PYY: variants seen among roughly 807,000 people sequenced by gnomAD.
PYY encodes peptide tyrosine tyrosine.
PYY carries 12 observed loss-of-function variants against 10.3 expected under a neutral mutation model. That is an observed-to-expected ratio of 1.17 (90% confidence interval 0.75 to 1.89). The LOEUF (loss-of-function observed/expected upper bound fraction) is 1.89, where lower values mean the gene tolerates loss of function less well. Ranked by LOEUF, PYY falls within the 40% of genes most tolerant of loss-of-function variation. PYY has a pLI of 0.00. For missense variants in PYY, 141 were observed against 134.0 expected (o/e 1.05, Z -0.26); for synonymous variants, 66 against 62.0 (o/e 1.06, Z -0.30).
upstream of PYY, among the ~76,000 whole-genome samples, chr17:43,956,599 G>T (rs1227777057): frequency 1.3e-5 from 2 of 150,994 alleles, no homozygotes; most frequent in Non-Finnish European, 2.9e-5. Context: ...GACAGAATCA[G>T]AATGGTCCCC....
Position 43,987,184 on chromosome 17 carries a change from C to G in PYY, c.-463+17207G>C, listed in dbSNP as rs954151549. The stretch of plus-strand genomic sequence containing the variant: ...ACCAATATCATCAGACTGGGCAGAG[C>G]TCTCCCCTCCCTTGCCCTTATTAAT... On this transcript the variant is annotated intron_variant, in intron 1 of 6. Transcript: ENST00000360085. This position sits in a 1 kb window ranked among gnomAD's most constrained non-coding sequence, Gnocchi z 4.0. Among the ~76,000 whole-genome samples, 2 of 152,138 alleles carry G rather than the reference C, an allele frequency of 1.3e-5. No homozygotes were observed. The highest frequency in any genetic ancestry group is 4.8e-5 in the African/African-American group (2 of 41,424).
chr17:43,981,818 C>T (rs554387673), intron 1 of PYY, among the ~76,000 whole-genome samples: 21 of 152,246 alleles, frequency 1.4e-4, no homozygotes, highest in African/African-American at 4.6e-4. Context: ...TTTGGTTATC[C>T]TCTGTTGTGA....
At chr17:43,996,559 G>A (rs1391651163) in intron 1 of PYY, among the ~76,000 whole-genome samples, 1 of 152,116 alleles carries the variant, frequency 6.6e-6, no homozygotes, top group African/African-American at 2.4e-5. Flanking sequence ...CCACCTCCTG[G>A]GTTCAGGTGA....
upstream of PYY, chr17:43,957,906 GT>G (rs1597842768): frequency 6.5e-6 from 1 of 154,542 alleles, no homozygotes. Context: ...ACTTTTTATG[GT>G]AGGAGCTCTC....
At chr17:43,962,582 G>T (rs148885675) in intron 2 of PYY, among the ~76,000 whole-genome samples, 3 of 152,316 alleles carry the variant, frequency 2.0e-5, no homozygotes, top group East Asian at 1.9e-4. Context: ...AGTCACAGGG[G>T]TGCCCTCAGA....
At chr17:43,963,733 C>A (rs955237353) in intron 2 of PYY, among the ~76,000 whole-genome samples, 7 of 151,568 alleles carry the variant, frequency 4.6e-5, no homozygotes, top group African/African-American at 1.7e-4. Flanking sequence ...TTTGGGAAGC[C>A]GAGGTGGGTG....
upstream of PYY, among the ~76,000 whole-genome samples, chr17:43,958,849 T>G (rs1253641727): frequency 6.6e-6 from 1 of 152,244 alleles, no homozygotes; most frequent in Non-Finnish European, 1.5e-5. Context: ...ATTGTAATCA[T>G]ATAATTGAAT....
chr17:43,970,702 TC>T (rs950112727), intron 1 of PYY, among the ~76,000 whole-genome samples: 20 of 152,272 alleles, frequency 1.3e-4, no homozygotes, highest in African/African-American at 4.8e-4. Context: ...ACTGTATCAC[TC>T]CGAAGGACCC....
chr17:43,957,567 G>A (rs979143018), upstream of PYY, among the ~76,000 whole-genome samples: 1 of 151,182 alleles, frequency 6.6e-6, no homozygotes, highest in African/African-American at 2.4e-5. Flanking sequence ...TATGGCATGA[G>A]AATCACTTGA....
intron 1 of PYY, among the ~76,000 whole-genome samples, chr17:43,981,080 G>T (rs2048881082): frequency 6.6e-6 from 1 of 151,166 alleles, no homozygotes; most frequent in African/African-American, 2.4e-5. Flanking sequence ...ATGTTGCCCA[G>T]GCTGGTCTCA....
At chr17:43,997,302 G>A (rs2048998066) in intron 1 of PYY, among the ~76,000 whole-genome samples, 1 of 152,108 alleles carries the variant, frequency 6.6e-6, no homozygotes, top group South Asian at 2.1e-4. Flanking sequence ...GCCTCCCGAA[G>A]TGCTGAGATT....
At chr17:43,958,960 CAT>C (rs1468245634) in intron 2 of PYY, among the ~76,000 whole-genome samples, 1 of 152,166 alleles carries the variant, frequency 6.6e-6, no homozygotes, top group Non-Finnish European at 1.5e-5. Flanking sequence ...GATTTGCTGA[CAT>C]GTTGAATTAG....
At chr17:43,986,580 T>C (rs540816848) in intron 1 of PYY, among the ~76,000 whole-genome samples, 2 of 152,306 alleles carry the variant, frequency 1.3e-5, no homozygotes, top group East Asian at 3.9e-4. Flanking sequence ...AGCAAGCCAC[T>C]TTGCCTTCCC....
At chr17:43,979,959 G>A (rs975508600) in intron 1 of PYY, among the ~76,000 whole-genome samples, 6 of 152,036 alleles carry the variant, frequency 3.9e-5, no homozygotes, top group Non-Finnish European at 8.8e-5. Flanking sequence ...TCAGCTCAAT[G>A]GATTTTCACA....
chr17:43,968,557 A>G (rs1055534405), intron 1 of PYY, among the ~76,000 whole-genome samples: 4 of 152,220 alleles, frequency 2.6e-5, no homozygotes, highest in Non-Finnish European at 4.4e-5. Flanking sequence ...CATGCCTACA[A>G]TCCCAGCATT....
chr17:43,974,974 C>T lies in PYY; in HGVS notation c.-462-8442G>A, dbSNP rs561242518. 3.3e-5 allele frequency among the ~76,000 whole-genome samples: 5 copies of T among 152,274 alleles called. No homozygotes were observed. In the South Asian group the frequency reaches 1.0e-3, roughly 32 times the overall value. On this transcript the variant is annotated intron_variant, in intron 1 of 6. Transcript: ENST00000360085. Reference sequence around the variant, plus strand: ...GAGCCCTGTGGTGCAAAGCCGCCATCTCCCGCTTTCAGTCATGGATTGCCT... The same window carrying T: ...GAGCCCTGTGGTGCAAAGCCGCCATTTCCCGCTTTCAGTCATGGATTGCCT...
In PYY at chr17:43,987,961, C is replaced by G. The variant is rs1457010557; in HGVS notation, c.-463+16430G>C. 1.3e-5 allele frequency among the ~76,000 whole-genome samples: 2 copies of G among 152,190 alleles called. No homozygotes were observed. On this transcript the variant is annotated intron_variant, in intron 1 of 6. Coordinates refer to the PYY transcript ENST00000360085. This position sits in a 1 kb window ranked among gnomAD's most constrained non-coding sequence, Gnocchi z 4.0. ...CCAGTCCCCACGCCGGAAGTCCTCA[C>G]AGCAGTCTGCTCTGCATCCCTCCTA...
chr17:43,984,977 C>A (rs1169517675), intron 1 of PYY, among the ~76,000 whole-genome samples: 2 of 152,044 alleles, frequency 1.3e-5, no homozygotes, highest in Non-Finnish European at 2.9e-5. Flanking sequence ...AGGAAAGGCT[C>A]TTCTAAATAT....
intron 1 of PYY, 53 bp from the exon 2 acceptor site, chr17:43,953,536 C>T: frequency 6.8e-7 from 1 of 1,466,770 alleles, no homozygotes; most frequent in Non-Finnish European, 9.1e-7. Flanking sequence ...CCCTACACGG[C>T]GGGAGGCTGC....
Sources: allele counts gnomAD v4.1 joint callset (sites outside exome capture counted in the v4.1 genomes callset), GRCh38; gene constraint gnomAD v4.1.1; non-coding constraint Gnocchi (gnomAD v3.1); transcripts MANE v1.5; gene names NCBI Gene and HGNC (gene_info 2026-07-23, HGNC 2026-07-21).